Variants in SLC41A2 observed in about 807,000 individuals in gnomAD.
SLC41A2 encodes the protein solute carrier family 41 member 2.
A neutral mutation model predicts 58.3 loss-of-function variants in SLC41A2; 32 were observed. The ratio of observed to expected loss-of-function variants is 0.55; its 90% CI spans 0.41 to 0.74. The LOEUF is 0.74. SLC41A2 is among the 30% of genes least tolerant of loss of function. The pLI is 0.00. For synonymous variants in SLC41A2, 190 were observed against 235.0 expected, an observed-to-expected ratio of 0.81 and a Z score of 1.75; for missense variants, 514 against 680.6, an observed-to-expected ratio of 0.76 and a Z score of 2.72.
Position 104,855,063 on chromosome 12 carries a change from C to G in SLC41A2, c.1255+6228G>C, listed in dbSNP as rs78857980. 8.9e-4 allele frequency among the ~76,000 whole-genome samples: 135 copies of G among 152,284 alleles called. 1 individual carries two copies. In the East Asian group the frequency reaches 0.023, roughly 26 times the overall value. On this transcript the variant is annotated intron_variant, in intron 8 of 10. Transcript: ENST00000258538. ...TCTCTATTACTCCTTTGCCTCCTTG[C>G]CAACAAACGTACCCACATGTCTCTT... is the stretch of plus-strand genomic sequence containing the variant.
intron 10 of SLC41A2, among the ~76,000 whole-genome samples, chr12:104,826,992 A>G (rs548900874): frequency 6.6e-6 from 1 of 152,312 alleles, no homozygotes; most frequent in African/African-American, 2.4e-5. Context: ...GACAAGGTGG[A>G]AGACTGGAAG....
chr12:104,810,053 G>A (rs892008261), intron 10 of SLC41A2, among the ~76,000 whole-genome samples: 1 of 152,196 alleles, frequency 6.6e-6, no homozygotes, highest in Non-Finnish European at 1.5e-5. Context: ...ATGAGAATAA[G>A]AATTGTTTGT....
At chr12:104,873,946 C>A (rs1355606075) in intron 6 of SLC41A2, among the ~76,000 whole-genome samples, 1 of 152,028 alleles carries the variant, frequency 6.6e-6, no homozygotes. Flanking sequence ...ACATATGGTT[C>A]ACAAATATCT....
At chr12:104,889,748 A>G (rs2044855292) in intron 4 of SLC41A2, among the ~76,000 whole-genome samples, 1 of 152,168 alleles carries the variant, frequency 6.6e-6, no homozygotes, top group Non-Finnish European at 1.5e-5. Flanking sequence ...AGAGACAAAC[A>G]TTTGAAAATA....
chr12:104,950,534 T>C (rs1403057118), intron 1 of SLC41A2, among the ~76,000 whole-genome samples: 1 of 152,182 alleles, frequency 6.6e-6, no homozygotes, highest in Non-Finnish European at 1.5e-5. Context: ...GGTATTTCTT[T>C]ATAGCACTGT....
chr12:104,911,012 G>C (rs182317492), intron 2 of SLC41A2, among the ~76,000 whole-genome samples: 77 of 152,234 alleles, frequency 5.1e-4, no homozygotes, highest in African/African-American at 1.7e-3. Context: ...CATCTGCATA[G>C]TAAGAACCTT....
At position 104,840,047 on chromosome 12, in the gene SLC41A2, G is replaced by T. The variant is rs1182227535; in HGVS notation, c.1536+4425C>A. Among the ~76,000 whole-genome samples, 3 of 152,270 alleles carry T rather than the reference G, an allele frequency of 2.0e-5. No individual in the cohort carries two copies. In the East Asian group the frequency reaches 5.8e-4, roughly 29 times the overall value. Reference sequence around the variant, plus strand: ...GATAGTTTTCTTTGTACCTTCTCAGGTTTATTATGCTGTCAAGGGACTAGC... The same window carrying T: ...GATAGTTTTCTTTGTACCTTCTCAGTTTTATTATGCTGTCAAGGGACTAGC... On this transcript the variant is annotated intron_variant, in intron 10 of 10. Coordinates refer to ENST00000258538, the MANE Select transcript of SLC41A2 (RefSeq NM_001352171.3).
chr12:104,910,952 T>C (rs781616247), intron 2 of SLC41A2, among the ~76,000 whole-genome samples: 8 of 152,234 alleles, frequency 5.3e-5, no homozygotes, highest in Non-Finnish European at 1.2e-4. Flanking sequence ...TTAAGTCTGA[T>C]AAGAAACATT....
At chr12:104,827,112 G>A (rs2041873071) in intron 10 of SLC41A2, among the ~76,000 whole-genome samples, 1 of 152,180 alleles carries the variant, frequency 6.6e-6, no homozygotes. Flanking sequence ...GGGATTTGAT[G>A]AGAATCCCAC....
chr12:104,874,083 T>G (rs1168248981), intron 6 of SLC41A2, among the ~76,000 whole-genome samples: 4 of 149,768 alleles, frequency 2.7e-5, no homozygotes, highest in Non-Finnish European at 5.9e-5. Context: ...GTTTTTTTTT[T>G]TTTTTTTTGA....
intron 1 of SLC41A2, among the ~76,000 whole-genome samples, chr12:104,948,277 C>T (rs2047807820): frequency 6.6e-6 from 1 of 152,104 alleles, no homozygotes; most frequent in African/African-American, 2.4e-5. Context: ...GCCTAATTTG[C>T]TTCCTACATC....
chr12:104,816,894 C>T (rs2041428365), intron 10 of SLC41A2, among the ~76,000 whole-genome samples: 1 of 152,172 alleles, frequency 6.6e-6, no homozygotes, highest in Non-Finnish European at 1.5e-5. Flanking sequence ...ATACTCAAGT[C>T]CTTTACATAA....
At chr12:104,940,357 G>A (rs1287876742) in intron 1 of SLC41A2, among the ~76,000 whole-genome samples, 4 of 150,490 alleles carry the variant, frequency 2.7e-5, no homozygotes, top group Non-Finnish European at 4.4e-5. Flanking sequence ...CACCTGGGGG[G>A]GAGGGGGGAG....
Position 104,902,797 on chromosome 12 carries a change from T to C in SLC41A2, c.663+6858A>G, listed in dbSNP as rs529362361. ...CCAGAGAAGATGAGGCTTTCAGATT[T>C]TGCCATCAAGAAGTCATTAACTTAG... On this transcript the variant is annotated intron_variant, in intron 3 of 10. Coordinates refer to ENST00000258538, the MANE Select transcript of SLC41A2 (RefSeq NM_001352171.3). Among the ~76,000 whole-genome samples, 6 of 152,272 alleles carry C rather than the reference T, an allele frequency of 3.9e-5. No homozygotes were observed. In the East Asian group the frequency reaches 9.6e-4, roughly 24 times the overall value.
intron 10 of SLC41A2, among the ~76,000 whole-genome samples, chr12:104,835,111 C>T (rs1275365430): frequency 6.6e-6 from 1 of 152,142 alleles, no homozygotes; most frequent in African/African-American, 2.4e-5. Context: ...ATAATAGCAC[C>T]TTAAATGCAT....
In SLC41A2 at chr12:104,884,904, C is replaced by T. The variant is rs558038731; in HGVS notation, c.1027+1389G>A. Among the ~76,000 whole-genome samples, 187 of 152,250 alleles carry T rather than the reference C, an allele frequency of 1.2e-3. 2 individuals carry two copies. The highest frequency in any genetic ancestry group is 4.1e-3 in the African/African-American group (172 of 41,542). ...ATTAAGCCACATTTTCTAATGCTAG[C>T]CATAAGCTAATATTTTAATCCCTGA... On this transcript the variant is annotated intron_variant, in intron 6 of 10. Coordinates refer to ENST00000258538, the MANE Select transcript of SLC41A2 (RefSeq NM_001352171.3).
At chr12:104,949,618 T>C (rs1481292175) in intron 1 of SLC41A2, among the ~76,000 whole-genome samples, 2 of 152,218 alleles carry the variant, frequency 1.3e-5, no homozygotes, top group African/African-American at 4.8e-5. Context: ...AGTTTCGCTC[T>C]TGTTGCCCAG....
intron 5 of SLC41A2, among the ~76,000 whole-genome samples, chr12:104,887,840 T>C (rs796192469): frequency 1.3e-4 from 20 of 152,122 alleles, no homozygotes; most frequent in African/African-American, 4.6e-4. Flanking sequence ...CCTACAAATA[T>C]GGCTAAGAGT....
At chr12:104,949,711 G>A (rs192378294) in intron 1 of SLC41A2, among the ~76,000 whole-genome samples, 50 of 152,294 alleles carry the variant, frequency 3.3e-4, no homozygotes, top group African/African-American at 1.2e-3. Context: ...AGCCTCCTGA[G>A]TAGCTGGGAT....
Sources: gnomAD v4.1 joint callset for allele counts (sites outside exome capture counted in the v4.1 genomes callset) on GRCh38, gnomAD v4.1.1 for gene constraint, MANE v1.5 for transcripts, NCBI Gene and HGNC (gene_info 2026-07-23, HGNC 2026-07-21) for gene names.